The following TFEC variants were observed in gnomAD, a reference collection of about 807,000 sequenced individuals.
The protein encoded by TFEC is class E basic helix-loop-helix protein 34.
Under a neutral mutation model 41.6 loss-of-function variants are expected in TFEC, and 31 were observed. The observed-to-expected ratio is 0.74, with a 90% CI of 0.56 to 1.01. The LOEUF (loss-of-function observed/expected upper bound fraction) is 1.01. Among genes scored for constraint, TFEC ranks in the 50% least tolerant of loss-of-function variants. TFEC has a pLI of 0.00. For missense variants in TFEC, 402 were observed against 404.1 expected (o/e 0.99, Z 0.04); for synonymous variants, 143 against 140.6 (o/e 1.02, Z -0.12).
At chr7:116,118,642 T>C (rs924341228) in intron 1 of TFEC, among the ~76,000 whole-genome samples, 1 of 151,802 alleles carries the variant, frequency 6.6e-6, no homozygotes, top group African/African-American at 2.4e-5. Context: ...AATTTAGACA[T>C]GATTAGTGGT....
chr7:116,110,686 G>C, intron 3 of TFEC: 1 of 1,319,904 alleles, frequency 7.6e-7, no homozygotes, highest in Non-Finnish European at 9.8e-7. Flanking sequence ...AATTACGGCT[G>C]TATATGTATA....
Position 115,950,863 on chromosome 7 carries a change from G to A in TFEC, c.515+11C>T. 6.3e-7 allele frequency: 1 copy of A among 1,586,550 alleles called. No homozygotes were observed. The highest frequency in any genetic ancestry group is 8.6e-7 in the Non-Finnish European group (1 of 1,162,786). ...TTATAACATTATTATAGAAATGATT[G>A]TTGAACTCACGGATCATTAGACTTT... On this transcript the variant is annotated intron_variant, in intron 6 of 7. Transcript: ENST00000265440.
chr7:115,943,965 T>A (rs4469393), intron 6 of TFEC, among the ~76,000 whole-genome samples: 53,159 of 139,962 alleles, frequency 0.38, 10,753 homozygotes, highest in South Asian at 0.48. Flanking sequence ...AAAATAATTT[T>A]AAAAAAAGAT....
intron 3 of TFEC, among the ~76,000 whole-genome samples, chr7:116,085,633 G>T (rs1797187037): frequency 1.3e-5 from 2 of 151,804 alleles, no homozygotes; most frequent in South Asian, 4.1e-4. Flanking sequence ...TATTGAATAA[G>T]ATTTTTTAAG....
chr7:116,117,376 G>A (rs1798013663), intron 1 of TFEC: 2 of 151,866 alleles, frequency 1.3e-5, no homozygotes, highest in South Asian at 4.1e-4. Flanking sequence ...CAGACAATAG[G>A]ACAGACCTCT....
chr7:116,144,476 T>G (rs1236218864), intron 1 of TFEC, among the ~76,000 whole-genome samples: 1 of 152,144 alleles, frequency 6.6e-6, no homozygotes, highest in Non-Finnish European at 1.5e-5. Context: ...ACGGTCTAGA[T>G]TTTGGTATGG....
At chr7:115,950,777 T>C in intron 6 of TFEC, 97 bp downstream of exon 6, 1 of 873,102 alleles carries the variant, frequency 1.1e-6, no homozygotes, top group South Asian at 2.0e-5. Context: ...AGCTGCTTAG[T>C]TTCCTAGTCA....
chr7:116,133,117 GT>G (rs1798365430), intron 1 of TFEC, among the ~76,000 whole-genome samples: 1 of 152,106 alleles, frequency 6.6e-6, no homozygotes, highest in Non-Finnish European at 1.5e-5. Context: ...AATCTTTTCA[GT>G]TTTTGTCAAT....
intron 1 of TFEC, among the ~76,000 whole-genome samples, chr7:116,117,282 G>A (rs1183764195): frequency 2.6e-5 from 4 of 151,790 alleles, no homozygotes; most frequent in African/African-American, 9.7e-5. Flanking sequence ...AATGTCCCCA[G>A]TGTCTATACC....
chr7:116,142,709 A>G (rs1042997267), intron 1 of TFEC, among the ~76,000 whole-genome samples: 2 of 152,192 alleles, frequency 1.3e-5, no homozygotes, highest in Non-Finnish European at 2.9e-5. Flanking sequence ...TACAGAGAGA[A>G]GCAGAGATGC....
intron 1 of TFEC, among the ~76,000 whole-genome samples, chr7:116,022,564 C>T (rs1240685589): frequency 1.3e-5 from 2 of 152,024 alleles, no homozygotes; most frequent in African/African-American, 4.8e-5. Flanking sequence ...ATTTTGATTA[C>T]TAAGTGATTA....
intron 1 of TFEC, among the ~76,000 whole-genome samples, chr7:116,000,099 C>T (rs1794530172): frequency 6.6e-6 from 1 of 152,010 alleles, no homozygotes; most frequent in South Asian, 2.1e-4. Flanking sequence ...AATTCAACAA[C>T]ACATTAAAAA....
chr7:116,002,408 G>A (rs1199157047), intron 1 of TFEC, among the ~76,000 whole-genome samples: 2 of 152,168 alleles, frequency 1.3e-5, no homozygotes, highest in Non-Finnish European at 2.9e-5. Context: ...ATTTTGTTAT[G>A]TGAAATAAGT....
chr7:115,977,772 T>C (rs1428854868), intron 2 of TFEC, among the ~76,000 whole-genome samples: 1 of 151,960 alleles, frequency 6.6e-6, no homozygotes, highest in Non-Finnish European at 1.5e-5. Context: ...TATACATGAA[T>C]TCTATACATA....
chr7:115,954,143 A>G (rs755588448), intron 5 of TFEC, among the ~76,000 whole-genome samples: 2 of 151,908 alleles, frequency 1.3e-5, no homozygotes, highest in African/African-American at 2.4e-5. Context: ...GAAATTCAGC[A>G]CTGCAACACA....
At position 116,029,623 on chromosome 7, in the gene TFEC, T is replaced by C. The variant is rs371829900; in HGVS notation, c.-73+1010A>G. Among the ~76,000 whole-genome samples, 14 of 152,042 alleles carry C rather than the reference T, an allele frequency of 9.2e-5. 1 individual carries two copies. In the East Asian group the frequency reaches 2.1e-3, roughly 23 times the overall value. On this transcript the variant is annotated intron_variant, in intron 1 of 7. Coordinates refer to ENST00000265440, the MANE Select transcript of TFEC (RefSeq NM_012252.4). ...AAATATTCTAAGACAATATTGAAAG[T>C]ATGGAGTTATAACTTATATAAATAT...
At chr7:116,004,020 A>C (rs1169391829) in intron 1 of TFEC, among the ~76,000 whole-genome samples, 1 of 152,138 alleles carries the variant, frequency 6.6e-6, no homozygotes, top group East Asian at 1.9e-4. Context: ...TTTTATGTAC[A>C]TGTTAAAAGA....
intron 3 of TFEC, among the ~76,000 whole-genome samples, chr7:116,065,231 C>T (rs1584473229): frequency 6.6e-6 from 1 of 152,206 alleles, no homozygotes; most frequent in East Asian, 1.9e-4. Flanking sequence ...CATGCCCCAG[C>T]CATGCTACCA....
At chr7:116,130,863 T>C (rs1451880065) in intron 1 of TFEC, among the ~76,000 whole-genome samples, 1 of 152,188 alleles carries the variant, frequency 6.6e-6, no homozygotes, top group Non-Finnish European at 1.5e-5. Flanking sequence ...TTGCCCACTT[T>C]GGCCTCCCAA....
Sources: allele counts gnomAD v4.1 joint callset (sites outside exome capture counted in the v4.1 genomes callset), GRCh38; gene constraint gnomAD v4.1.1; transcripts MANE v1.5; gene names NCBI Gene and HGNC (gene_info 2026-07-23, HGNC 2026-07-21).